HIVEP3: variants seen among roughly 807,000 people sequenced by gnomAD.
HIVEP3 encodes HIVEP zinc finger 3, also known as transcription factor HIVEP3.
In HIVEP3, 49 loss-of-function variants were observed where a neutral mutation model predicts 152.8. The ratio of observed to expected loss-of-function variants is 0.32; its 90% CI spans 0.26 to 0.41. The LOEUF is 0.41. Among genes scored for constraint, HIVEP3 ranks in the 10% least tolerant of loss-of-function variants. The pLI is 1.00. For missense variants in HIVEP3, 2,790 were observed against 3,103.3 expected (o/e 0.90, Z 2.40); for synonymous variants, 1,269 against 1,289.0 (o/e 0.98, Z 0.33).
At chr1:41,770,545 ATTG>A (rs1648287564) in intron 1 of HIVEP3, among the ~76,000 whole-genome samples, 1 of 152,138 alleles carries the variant, frequency 6.6e-6, no homozygotes, top group African/African-American at 2.4e-5. Flanking sequence ...AATAAATATT[ATTG>A]TTGTCATGCG....
In HIVEP3 at chr1:41,609,062, TAA is replaced by T; in HGVS notation, c.-522+19685_-522+19686del. 2.1e-5 allele frequency among the ~76,000 whole-genome samples: 3 copies of T among 142,118 alleles called. 1 individual carries two copies. Among genetic ancestry groups the T allele is most frequent in the Middle Eastern group, 7.2e-3 (2 of 276 alleles). The allele number at this position is 142,118 out of a possible 152,430, so 93.2% of individuals were successfully genotyped here. On this transcript the variant is annotated intron_variant, in intron 3 of 8. Coordinates refer to ENST00000372583, the MANE Select transcript of HIVEP3 (RefSeq NM_024503.5). ...CAACAAGAGTGAAACTCCGTCTCAATAAAAAAAAAAAACGGTTTTCACTGTCA... is the reference window on the plus strand; with the variant it reads ...CAACAAGAGTGAAACTCCGTCTCAATAAAAAAAAAACGGTTTTCACTGTCA...
At chr1:41,929,017 G>A (rs1644982472) in intron 1 of HIVEP3, among the ~76,000 whole-genome samples, 1 of 152,082 alleles carries the variant, frequency 6.6e-6, no homozygotes, top group South Asian at 2.1e-4. Context: ...TTTTCCCTTT[G>A]CAATTGATAA....
chr1:41,580,578 C>CA lies in HIVEP3; in HGVS notation c.4219_4220insT (p.Gly1407ValfsTer33). On this transcript the variant is annotated frameshift_variant, in exon 4 of 9. Transcript: ENST00000372583. LOFTEE classifies it high-confidence loss of function. Reference sequence around the variant, plus strand: ...GATACTCTCTGATGACAGGGAAGTGCCTTTTCTTTCAGGTAATGTCACAGG... The same window carrying CA: ...GATACTCTCTGATGACAGGGAAGTGCACTTTTCTTTCAGGTAATGTCACAGG... The CA allele has an allele frequency of 6.2e-7, 1 of 1,614,220 alleles. No homozygotes were observed. The highest frequency in any genetic ancestry group is 8.5e-7 in the Non-Finnish European group (1 of 1,180,050).
At position 41,564,393 on chromosome 1, in the gene HIVEP3, G is replaced by A. The variant is rs554214593; in HGVS notation, c.5207+11151C>T. ...GAGAGAGAAGAAACAGAGGAGAGGA[G>A]ATAATCAAAGAACTCAAGACATTTT... On this transcript the variant is annotated intron_variant, in intron 5 of 8. Transcript: ENST00000372583. Among the ~76,000 whole-genome samples, 142 of 152,224 alleles carry A rather than the reference G, an allele frequency of 9.3e-4. 1 individual carries two copies. Among genetic ancestry groups the A allele is most frequent in the African/African-American group, 3.3e-3 (139 of 41,520 alleles).
Position 41,524,918 on chromosome 1 carries a change from C to A in HIVEP3, c.5208-8G>T. 1 of 1,608,840 alleles carries A rather than the reference C, an allele frequency of 6.2e-7. No individual in the cohort carries two copies. The highest frequency in any genetic ancestry group is 1.1e-5 in the South Asian group (1 of 90,692). On this transcript the variant is annotated splice_region_variant and splice_polypyrimidine_tract_variant and intron_variant, in intron 5 of 8. Transcript: ENST00000372583. ...TCTTCGTTTGATTTGTACCTATGAG[C>A]AACAGGCGTCATAGTAAAGGGAAAA...
intron 3 of HIVEP3, among the ~76,000 whole-genome samples, chr1:41,617,348 G>A (rs1197823197): frequency 3.9e-5 from 6 of 152,140 alleles, no homozygotes; most frequent in Admixed American, 2.0e-4. Context: ...TTGGGCCATC[G>A]TCCTAATAAT....
At chr1:41,544,844 TACCACCACCACCACCACCAC>T (rs1643661636) in intron 5 of HIVEP3, among the ~76,000 whole-genome samples, 7 of 11,842 alleles carry the variant, frequency 5.9e-4, no homozygotes, top group African/African-American at 1.7e-3. Context: ...CCACCACCAC[TACCACCACCACCACCACCAC>T]CACCACCACC....
At chr1:41,735,376 G>A (rs1646901456) in intron 1 of HIVEP3, among the ~76,000 whole-genome samples, 2 of 152,212 alleles carry the variant, frequency 1.3e-5, no homozygotes, top group Admixed American at 6.5e-5. Context: ...GGATGAGGAT[G>A]CACTTCTCAC....
chr1:41,689,540 A>C (rs1025703806), intron 2 of HIVEP3, among the ~76,000 whole-genome samples: 16 of 152,118 alleles, frequency 1.1e-4, no homozygotes, highest in African/African-American at 3.4e-4. Context: ...GGAAAAACAC[A>C]CCAAGGGCTT....
At chr1:41,979,787 T>A (rs564383342) in intron 1 of HIVEP3, among the ~76,000 whole-genome samples, 1 of 152,324 alleles carries the variant, frequency 6.6e-6, no homozygotes, top group East Asian at 1.9e-4. Context: ...CTAAATTCCC[T>A]ATAGATATTT....
At chr1:41,819,111 G>T (rs538248116) in intron 1 of HIVEP3, among the ~76,000 whole-genome samples, 4 of 152,116 alleles carry the variant, frequency 2.6e-5, no homozygotes, top group Non-Finnish European at 5.9e-5. Flanking sequence ...CAGGCAGTTT[G>T]AATTCAGAGC....
chr1:41,888,718 C>G (rs1644393349), intron 1 of HIVEP3, among the ~76,000 whole-genome samples: 1 of 125,088 alleles, frequency 8.0e-6, no homozygotes. Context: ...ACACCCCCCA[C>G]ACACATACCA....
chr1:41,791,938 C>T (rs551333588), intron 1 of HIVEP3, among the ~76,000 whole-genome samples: 21 of 152,196 alleles, frequency 1.4e-4, no homozygotes, highest in South Asian at 1.0e-3. Context: ...CCTCCTCAGA[C>T]CACCTGGGAA....
chr1:41,622,197 C>G (rs746389354), intron 3 of HIVEP3, among the ~76,000 whole-genome samples: 26 of 152,260 alleles, frequency 1.7e-4, no homozygotes, highest in Middle Eastern at 3.4e-3. Flanking sequence ...GAGGGGAGCC[C>G]CTCTCATGGA....
At chr1:41,652,623 G>A (rs528345401) in intron 2 of HIVEP3, among the ~76,000 whole-genome samples, 1 of 152,286 alleles carries the variant, frequency 6.6e-6, no homozygotes, top group East Asian at 1.9e-4. Context: ...GGAGTCAGGT[G>A]AAGATCGGCC....
intron 2 of HIVEP3, among the ~76,000 whole-genome samples, chr1:41,648,113 G>T (rs1463697329): frequency 6.6e-6 from 1 of 152,182 alleles, no homozygotes; most frequent in Non-Finnish European, 1.5e-5. Context: ...CCACTGCAGG[G>T]GCTGAAACAT....
chr1:41,786,527 G>A (rs1056491841), intron 1 of HIVEP3, among the ~76,000 whole-genome samples: 2 of 152,136 alleles, frequency 1.3e-5, no homozygotes, highest in Non-Finnish European at 2.9e-5. Context: ...GCCTGTTTCT[G>A]TAAATAAAGT....
At chr1:41,741,061 T>C (rs1288959861) in intron 1 of HIVEP3, among the ~76,000 whole-genome samples, 2 of 152,182 alleles carry the variant, frequency 1.3e-5, no homozygotes, top group African/African-American at 4.8e-5. Context: ...CATTTTCACA[T>C]GTGGTATCTT....
intron 1 of HIVEP3, among the ~76,000 whole-genome samples, chr1:41,798,345 C>T (rs914252522): frequency 5.3e-5 from 8 of 151,664 alleles, no homozygotes; most frequent in Non-Finnish European, 1.0e-4. Flanking sequence ...AAATCCAAAT[C>T]GTGGTCCCTT....
Sources: allele counts gnomAD v4.1 joint callset (sites outside exome capture counted in the v4.1 genomes callset), GRCh38; gene constraint gnomAD v4.1.1; transcripts MANE v1.5; gene names NCBI Gene and HGNC (gene_info 2026-07-23, HGNC 2026-07-21).